ANO3: variants seen among roughly 807,000 people sequenced by gnomAD.
ANO3 encodes the protein anoctamin 3.
Under a neutral mutation model 144.8 loss-of-function variants are expected in ANO3, and 99 were observed. The ratio of observed to expected loss-of-function variants is 0.68; its 90% CI spans 0.58 to 0.81. The LOEUF is 0.81. ANO3 is among the 30% of genes least tolerant of loss of function. The pLI, the probability that ANO3 is intolerant of heterozygous loss-of-function variation, is 0.00. For missense variants in ANO3, 905 were observed against 1,202.2 expected (o/e 0.75, Z 3.66); for synonymous variants, 414 against 392.6 (o/e 1.05, Z -0.64).
intron 17 of ANO3, among the ~76,000 whole-genome samples, chr11:26,603,373 T>G (rs1477817963): frequency 6.6e-6 from 1 of 152,072 alleles, no homozygotes; most frequent in Admixed American, 6.5e-5. Flanking sequence ...TATTCAACTC[T>G]AGTAAAGGAC....
intron 14 of ANO3, among the ~76,000 whole-genome samples, chr11:26,593,054 C>A (rs1043191171): frequency 3.3e-5 from 5 of 152,044 alleles, no homozygotes; most frequent in African/African-American, 1.2e-4. Flanking sequence ...CTTTCCTTTC[C>A]TTTCTGATGA....
intron 1 of ANO3, among the ~76,000 whole-genome samples, chr11:26,419,809 A>G (rs111842418): frequency 0.025 from 3,868 of 152,196 alleles, 70 homozygotes; most frequent in African/African-American, 0.048. Flanking sequence ...TTTTATGGTG[A>G]GGAAGGTTTT....
intron 5 of ANO3, chr11:26,508,857 G>GA (rs1861537457): frequency 6.6e-6 from 1 of 151,498 alleles, no homozygotes; most frequent in Non-Finnish European, 1.5e-5. Context: ...ATTACAGAAA[G>GA]AAAAAACCTT....
intron 19 of ANO3, among the ~76,000 whole-genome samples, chr11:26,634,517 A>T (rs1305996639): frequency 6.6e-6 from 1 of 152,200 alleles, no homozygotes; most frequent in Admixed American, 6.5e-5. Context: ...AGAAGCAAAG[A>T]ATTTTTGTGT....
chr11:26,505,877 A>G (rs758274471), intron 4 of ANO3, among the ~76,000 whole-genome samples: 6 of 151,432 alleles, frequency 4.0e-5, no homozygotes, highest in Non-Finnish European at 5.9e-5. Context: ...AGTCCCAGCT[A>G]CTCTGGAGGC....
intron 3 of ANO3, among the ~76,000 whole-genome samples, chr11:26,452,686 T>C (rs538343360): frequency 7.8e-4 from 118 of 152,214 alleles, no homozygotes; most frequent in African/African-American, 2.3e-3. Flanking sequence ...ACTTCCCCAA[T>C]CTAGCAAGGC....
chr11:26,209,863 A>G (rs1333037455), intron 1 of ANO3, among the ~76,000 whole-genome samples: 1 of 152,004 alleles, frequency 6.6e-6, no homozygotes, highest in Middle Eastern at 3.2e-3. Flanking sequence ...AATTTGTTTA[A>G]GTTCTTTGTA....
At chr11:26,215,250 T>C (rs1329655137) in intron 1 of ANO3, among the ~76,000 whole-genome samples, 1 of 151,986 alleles carries the variant, frequency 6.6e-6, no homozygotes, top group African/African-American at 2.4e-5. Flanking sequence ...CAAGAGAAAA[T>C]TTTGAAATTC....
intron 10 of ANO3, among the ~76,000 whole-genome samples, chr11:26,538,483 A>ACAGCTG (rs1458459206): frequency 2.6e-5 from 4 of 152,172 alleles, no homozygotes; most frequent in African/African-American, 9.7e-5. Flanking sequence ...TTCTTATTTT[A>ACAGCTG]CAGCTGAAGA....
chr11:26,459,869 G>A (rs541142742), intron 3 of ANO3, among the ~76,000 whole-genome samples: 2 of 152,184 alleles, frequency 1.3e-5, no homozygotes, highest in South Asian at 2.1e-4. Flanking sequence ...TGTTTATTAA[G>A]ATGGCAATAG....
Position 26,385,352 on chromosome 11 carries a change from TGTA to T in ANO3, c.46+53034_46+53036del, listed in dbSNP as rs548045443. Reference sequence around the variant, plus strand: ...TGCTGCTACAAAAAATTACCACAAATGTAGTCAATTAAAATGATATAAATTATC... The same window carrying T: ...TGCTGCTACAAAAAATTACCACAAATGTCAATTAAAATGATATAAATTATC... On this transcript the variant is annotated intron_variant, in intron 1 of 26. Transcript: ENST00000256737. 5.3e-5 allele frequency among the ~76,000 whole-genome samples: 8 copies of T among 152,310 alleles called. No individual in the cohort carries two copies. In the South Asian group the frequency reaches 1.4e-3, roughly 28 times the overall value.
intron 1 of ANO3, among the ~76,000 whole-genome samples, chr11:26,208,513 A>AAAAAAAAAC (rs1851864830): frequency 1.6e-5 from 1 of 64,408 alleles, no homozygotes; most frequent in East Asian, 4.0e-4. Flanking sequence ...ACTCCGTCTC[A>AAAAAAAAAC]AAAAAAAAAA....
chr11:26,348,497 T>C (rs1590281122), intron 1 of ANO3, among the ~76,000 whole-genome samples: 1 of 152,332 alleles, frequency 6.6e-6, no homozygotes, highest in East Asian at 1.9e-4. Flanking sequence ...AAATTTAGAA[T>C]CTATAAGCTA....
chr11:26,524,974 A>G lies in ANO3; in HGVS notation c.693-661A>G, dbSNP rs1849125155. Among the ~76,000 whole-genome samples the G allele has an allele frequency of 2.6e-5, 4 of 152,168 alleles. No homozygotes were observed. The South Asian group carries it at 8.3e-4, about 31-fold the overall frequency. On this transcript the variant is annotated intron_variant, in intron 6 of 26. Transcript: ENST00000256737. ...CCTCTTTACCCAAAAGACTACTCCC[A>G]TTCATGCTTCAAGATTCAATACAGG...
chr11:26,345,178 C>A (rs1403716137), intron 1 of ANO3, among the ~76,000 whole-genome samples: 4 of 151,990 alleles, frequency 2.6e-5, no homozygotes, highest in African/African-American at 9.7e-5. Context: ...CTAGTATTGA[C>A]CAATTAGAAG....
intron 7 of ANO3, 136 bp downstream of exon 7, chr11:26,525,815 A>C: frequency 1.6e-6 from 1 of 611,954 alleles, no homozygotes; most frequent in Non-Finnish European, 2.8e-6. Context: ...ATATTTCCAA[A>C]ATAACTTATG....
intron 5 of ANO3, among the ~76,000 whole-genome samples, chr11:26,511,979 G>A (rs1861681408): frequency 6.6e-6 from 1 of 152,116 alleles, no homozygotes; most frequent in Non-Finnish European, 1.5e-5. Context: ...TAAGACTTTT[G>A]ATCATTAACT....
chr11:26,565,105 C>G, intron 14 of ANO3: 1 of 1,459,726 alleles, frequency 6.9e-7, no homozygotes. Context: ...ACTTACTCTG[C>G]ATGACTTATT....
At chr11:26,347,163 A>G (rs1308478948) in intron 1 of ANO3, among the ~76,000 whole-genome samples, 1 of 152,208 alleles carries the variant, frequency 6.6e-6, no homozygotes. Flanking sequence ...TTCAAACATT[A>G]TCTAAAACTG....
Sources: allele counts gnomAD v4.1 joint callset (sites outside exome capture counted in the v4.1 genomes callset), GRCh38; gene constraint gnomAD v4.1.1; transcripts MANE v1.5; gene names NCBI Gene and HGNC (gene_info 2026-07-23, HGNC 2026-07-21).